MEF2B: variants seen among roughly 807,000 people sequenced by gnomAD.
The protein encoded by MEF2B is myocyte enhancer factor 2B.
MEF2B carries 15 observed loss-of-function variants against 32.2 expected under a neutral mutation model. The observed-to-expected ratio is 0.47, with a 90% CI of 0.31 to 0.72. The LOEUF is 0.72. MEF2B is among the 30% of genes least tolerant of loss of function. The pLI, the probability that MEF2B is intolerant of heterozygous loss-of-function variation, is 0.05. For missense variants in MEF2B, 441 were observed against 511.5 expected, an observed-to-expected ratio of 0.86 and a Z score of 1.33; for synonymous variants, 205 against 225.6, an observed-to-expected ratio of 0.91 and a Z score of 0.82.
chr19:19,150,843 G>C, intron 1 of MEF2B, 79 bp from the exon 2 acceptor site: 1 of 1,520,298 alleles, frequency 6.6e-7, no homozygotes, highest in Non-Finnish European at 9.0e-7. Context: ...CCTCTCCTCT[G>C]TCTGCCCCTG....
At chr19:19,162,658 G>A (rs2060173642) in intron 1 of MEF2B, among the ~76,000 whole-genome samples, 1 of 152,096 alleles carries the variant, frequency 6.6e-6, no homozygotes, top group African/African-American at 2.4e-5. Context: ...ACCTCTCCCT[G>A]GGCCTGCTCC....
intron 1 of MEF2B, among the ~76,000 whole-genome samples, chr19:19,165,423 A>AC (rs1441106146): frequency 6.6e-6 from 1 of 152,148 alleles, no homozygotes; most frequent in African/African-American, 2.4e-5. Flanking sequence ...AGCCTGGGTG[A>AC]CAGAGCAAGA....
intron 1 of MEF2B, among the ~76,000 whole-genome samples, chr19:19,166,573 T>C (rs981888443): frequency 4.6e-5 from 5 of 109,630 alleles, no homozygotes; most frequent in African/African-American, 1.1e-4. Context: ...CTGAGCAACA[T>C]AGGGAGACCC....
chr19:19,152,501 C>T (rs879292193), intron 1 of MEF2B, among the ~76,000 whole-genome samples: 10 of 152,106 alleles, frequency 6.6e-5, no homozygotes, highest in Middle Eastern at 3.4e-3. Context: ...GTCAGGCGTT[C>T]GAGACCAGCC....
At chr19:19,165,213 G>A (rs749874012) in intron 1 of MEF2B, among the ~76,000 whole-genome samples, 2 of 152,160 alleles carry the variant, frequency 1.3e-5, no homozygotes, top group South Asian at 2.1e-4. Flanking sequence ...CCACATAACC[G>A]TATCTGGGAA....
intron 1 of MEF2B, among the ~76,000 whole-genome samples, chr19:19,158,089 T>C (rs1373462557): frequency 6.9e-6 from 1 of 144,034 alleles, no homozygotes; most frequent in African/African-American, 2.7e-5. Context: ...AAAAGGAAGA[T>C]TTCTTTTTTT....
At chr19:19,168,936 A>C (rs12975253) in intron 1 of MEF2B, among the ~76,000 whole-genome samples, 74,790 of 151,054 alleles carry the variant, frequency 0.5, 18,656 homozygotes, top group East Asian at 0.58. Flanking sequence ...GTAGTCCCAG[A>C]TACTCGGGAG....
In MEF2B at chr19:19,146,730, C is replaced by A; in HGVS notation, c.675+12G>T. 6.2e-7 allele frequency: 1 copy of A among 1,613,990 alleles called. No individual in the cohort carries two copies. Among genetic ancestry groups the A allele is most frequent in the Non-Finnish European group, 8.5e-7 (1 of 1,179,946 alleles). On this transcript the variant is annotated intron_variant, in intron 6 of 8. Coordinates refer to ENST00000424583, the MANE Select transcript of MEF2B (RefSeq NM_001145785.2). Reference sequence around the variant, plus strand: ...GCCCTCATCAGCCCTGCCACACCCTCCCCTCACTCACGGAGGTGTTTAGTC... The same window carrying A: ...GCCCTCATCAGCCCTGCCACACCCTACCCTCACTCACGGAGGTGTTTAGTC...
intron 1 of MEF2B, among the ~76,000 whole-genome samples, chr19:19,167,365 A>AG (rs1375499293): frequency 7.8e-6 from 1 of 128,694 alleles, no homozygotes; most frequent in African/African-American, 2.7e-5. Flanking sequence ...AAAAAAAAAA[A>AG]AAAAAAATTA....
At chr19:19,165,435 C>T (rs1184999536) in intron 1 of MEF2B, among the ~76,000 whole-genome samples, 2 of 152,068 alleles carry the variant, frequency 1.3e-5, no homozygotes, top group African/African-American at 2.4e-5. Context: ...AGAGCAAGAC[C>T]CTGTCTCTGA....
chr19:19,145,631 G>A lies in MEF2B; in HGVS notation c.*166C>T. The A allele has an allele frequency of 6.8e-7, 1 of 1,465,942 alleles. No individual in the cohort carries two copies. The allele number at this position is 1,465,942 out of a possible 1,614,324, so 90.8% of individuals were successfully genotyped here. A position where few individuals can be genotyped will look rare whatever the true frequency, so the allele number is the denominator to read the frequency against. On this transcript the variant is annotated 3_prime_UTR_variant, in exon 9 of 9. Coordinates refer to ENST00000424583, the MANE Select transcript of MEF2B (RefSeq NM_001145785.2). This position sits in a 1 kb window ranked among gnomAD's most constrained non-coding sequence, Gnocchi z 4.6. ...TACACACAAATAGGAAGAAGGAAAG[G>A]AGCCCCCCAGGGTGGATTGAGTCCA...
chr19:19,159,587 C>T (rs2060144344), intron 1 of MEF2B, among the ~76,000 whole-genome samples: 1 of 152,106 alleles, frequency 6.6e-6, no homozygotes, highest in African/African-American at 2.4e-5. Flanking sequence ...GCAGGATGTG[C>T]TGGTGACCTG....
chr19:19,153,737 G>A (rs1395391211), intron 1 of MEF2B, among the ~76,000 whole-genome samples: 3 of 151,686 alleles, frequency 2.0e-5, no homozygotes, highest in Admixed American at 1.3e-4. Flanking sequence ...GATTACAGGC[G>A]TGAGCCACCA....
rs369287078 is a variant in MEF2B, at chr19:19,149,294, G to A, written c.190C>T (p.Arg64Cys). ...LFQYASTDMD[R>C]VLLKYTEYSE... is the part of the protein sequence containing the mutation. ...TACTCTGTGTACTTCAGCAGCACACGGTCCATGTCCGTGCTGGCATACTGG... is the reference window on the plus strand; with the variant it reads ...TACTCTGTGTACTTCAGCAGCACACAGTCCATGTCCGTGCTGGCATACTGG... The change falls in exon 3 of 9, where the codon CGT becomes TGT. Residue 64 changes from arginine to cysteine, a missense_variant. Arg to Cys is a radical substitution (Grantham distance 180). This residue lies in a region of MEF2B where 115 missense variants were observed against 183.1 expected (regional missense o/e 0.63). Transcript: ENST00000424583. 49 of 1,613,774 alleles carry A rather than the reference G, an allele frequency of 3.0e-5. No homozygotes were observed. In the Admixed American group the frequency reaches 4.5e-4, roughly 15 times the overall value.
In MEF2B at chr19:19,146,818, A is replaced by G. The variant is rs1294546622; in HGVS notation, c.599T>C (p.Leu200Pro). 6.2e-7 allele frequency: 1 copy of G among 1,613,874 alleles called. No individual in the cohort carries two copies. Among genetic ancestry groups the G allele is most frequent in the Non-Finnish European group, 8.5e-7 (1 of 1,179,898 alleles). ...SHLTSKTPPPLYLPTEGRRSD... is the reference protein window; with the variant it reads ...SHLTSKTPPPPYLPTEGRRSD... ...CCTCCGCCCTTCCGTCGGCAGGTAC[A>G]GTGGGGGTGGTGTCTTGCTGGTGAG... The change falls in exon 6 of 9, where the codon CTG becomes CCG. Residue 200 changes from leucine to proline, a missense_variant. Physicochemically the swap from Leu to Pro is moderately conservative, Grantham distance 98. Around this residue, in one of 2 missense-constraint regions of MEF2B, gnomAD observed 326 missense variants for 328.4 expected, o/e 0.99. Coordinates refer to ENST00000424583, the MANE Select transcript of MEF2B (RefSeq NM_001145785.2).
intron 1 of MEF2B, among the ~76,000 whole-genome samples, chr19:19,159,059 G>T (rs1322463369): frequency 1.3e-5 from 2 of 151,254 alleles, no homozygotes; most frequent in African/African-American, 4.8e-5. Context: ...TCCTGCCTCA[G>T]CCTCCTGAGT....
chr19:19,156,350 G>T (rs1350287562), intron 1 of MEF2B, among the ~76,000 whole-genome samples: 1 of 151,752 alleles, frequency 6.6e-6, no homozygotes, highest in African/African-American at 2.4e-5. Flanking sequence ...CTTGAGCCTA[G>T]CGGTTCAAGA....
chr19:19,168,492 C>G (rs1425347428), intron 1 of MEF2B, among the ~76,000 whole-genome samples: 2 of 151,758 alleles, frequency 1.3e-5, no homozygotes, highest in East Asian at 1.9e-4. Flanking sequence ...AGGCTGGTCT[C>G]GAACTCCTGA....
At chr19:19,161,720 TC>T (rs1455975528) in intron 1 of MEF2B, among the ~76,000 whole-genome samples, 1 of 109,696 alleles carries the variant, frequency 9.1e-6, no homozygotes, top group African/African-American at 3.6e-5. Flanking sequence ...ATATGCAGAC[TC>T]CCCCCAATCC....
Sources: gnomAD v4.1 joint callset for allele counts (sites outside exome capture counted in the v4.1 genomes callset) on GRCh38, gnomAD v4.1.1 for gene constraint, gnomAD v4.1.1 regional missense constraint, Gnocchi (gnomAD v3.1) non-coding constraint, MANE v1.5 for transcripts, NCBI Gene and HGNC (gene_info 2026-07-23, HGNC 2026-07-21) for gene names.